Variants in ADRA1A observed in about 807,000 individuals in gnomAD.
ADRA1A encodes the protein adrenoceptor alpha 1A.
A neutral mutation model predicts 29.6 loss-of-function variants in ADRA1A; 31 were observed. The observed-to-expected ratio is 1.05, with a 90% CI of 0.79 to 1.41. The LOEUF (loss-of-function observed/expected upper bound fraction) is 1.41. ADRA1A is among the 40% of genes most tolerant of loss of function. The pLI is 0.00. For synonymous variants in ADRA1A, 311 were observed against 254.3 expected (o/e 1.22, Z -2.12); for missense variants, 619 against 601.1 (o/e 1.03, Z -0.31).
At chr8:26,850,025 C>CAAAAAAAAAAAACCA (rs141672591) in intron 2 of ADRA1A, among the ~76,000 whole-genome samples, 1 of 121,558 alleles carries the variant, frequency 8.2e-6, no homozygotes, top group South Asian at 2.6e-4. Flanking sequence ...GAGAGAAATG[C>CAAAAAAAAAAAACCA]AAAAACAAAA....
downstream of ADRA1A, among the ~76,000 whole-genome samples, chr8:26,763,599 G>GTTGAGAACATGAAT (rs59698077): frequency 0.53 from 80,609 of 151,854 alleles, 22,956 homozygotes; most frequent in East Asian, 0.84. This position sits in a 1 kb window ranked among gnomAD's most constrained non-coding sequence, Gnocchi z 4.5. Flanking sequence ...ACTCATGCAG[G>GTTGAGAACATGAAT]TTAGCCAAGT....
At position 26,866,891 on chromosome 8, in the gene ADRA1A, C is replaced by G. The variant is rs1813942753; in HGVS notation, c.-687+45G>C. On this transcript the variant is annotated intron_variant, in intron 1 of 2. Coordinates refer to ENST00000380573, the MANE Select transcript of ADRA1A (RefSeq NM_000680.4). The surrounding 1 kb of genome is among the most constrained non-coding windows in gnomAD (Gnocchi z 5.7). ...TCACCAGACGGCGGGGGAGGTCTGC[C>G]CTCACCCACTCGGCCCTGCGGGACG... 1.0e-6 allele frequency: 1 copy of G among 985,406 alleles called. No individual in the cohort carries two copies. Among genetic ancestry groups the G allele is most frequent in the African/African-American group, 1.7e-5 (1 of 57,236 alleles). 61.0% of individuals were successfully genotyped at this position (985,406 alleles called of 1,614,324 possible). A position where few individuals can be genotyped will look rare whatever the true frequency, so the allele number is the denominator to read the frequency against.
chr8:26,836,034 C>CCAGGAG (rs1811330623), intron 2 of ADRA1A: 1 of 163,482 alleles, frequency 6.1e-6, no homozygotes, highest in African/African-American at 2.4e-5. Flanking sequence ...AGACTGAAAC[C>CCAGGAG]CAGGAGCAGG....
intron 2 of ADRA1A, among the ~76,000 whole-genome samples, chr8:26,808,355 A>G (rs923873317): frequency 6.6e-6 from 1 of 152,178 alleles, no homozygotes; most frequent in East Asian, 1.9e-4. Context: ...TGTATTTAGC[A>G]TAGTTTATTC....
At chr8:26,753,988 G>A (rs985029271), downstream of ADRA1A, among the ~76,000 whole-genome samples, 2 of 152,164 alleles carry the variant, frequency 1.3e-5, no homozygotes, top group Non-Finnish European at 1.5e-5. Flanking sequence ...CATGATCCAT[G>A]AAGTATATTT....
At chr8:26,859,264 C>T in intron 2 of ADRA1A, 1 of 1,113,216 alleles carries the variant, frequency 9.0e-7, no homozygotes, top group Non-Finnish European at 1.2e-6. Flanking sequence ...GCATGAAAAA[C>T]ATACTTAAGA....
intron 2 of ADRA1A, among the ~76,000 whole-genome samples, chr8:26,844,801 A>G (rs1044129617): frequency 5.9e-5 from 9 of 152,202 alleles, no homozygotes; most frequent in Admixed American, 2.0e-4. Flanking sequence ...AGAAAACATA[A>G]GGATACATTT....
intron 2 of ADRA1A, among the ~76,000 whole-genome samples, chr8:26,832,698 G>T (rs1252960525): frequency 1.3e-5 from 2 of 152,132 alleles, no homozygotes; most frequent in Non-Finnish European, 2.9e-5. Flanking sequence ...TGAGAAACAG[G>T]CTCTGGGAAG....
At position 26,770,199 on chromosome 8, in the gene ADRA1A, T is replaced by C; in HGVS notation, c.1351A>G (p.Thr451Ala). 2 of 1,596,154 alleles carry C rather than the reference T, an allele frequency of 1.3e-6. No individual in the cohort carries two copies. Among genetic ancestry groups the C allele is most frequent in the Non-Finnish European group, 1.7e-6 (2 of 1,170,426 alleles). The part of the protein sequence containing the change: ...PSLDKNHQVP[T>A]IKVHTISLSE... ...AGGGAGATGGTGTGGACCTTAATGG[T>C]TGGAACTTGATGGTTCTTGTCAAGG... is the stretch of plus-strand genomic sequence containing the variant. Residue 451 changes from threonine to alanine, a missense_variant, in exon 3 of 3, where the codon ACC becomes GCC. By Grantham distance (58) the Thr-to-Ala change is moderately conservative (BLOSUM62 0). Coordinates refer to ENST00000380573, the MANE Select transcript of ADRA1A (RefSeq NM_000680.4).
chr8:26,851,783 T>C (rs1260260421), intron 2 of ADRA1A, among the ~76,000 whole-genome samples: 1 of 152,008 alleles, frequency 6.6e-6, no homozygotes, highest in Non-Finnish European at 1.5e-5. Flanking sequence ...ATGTAAGAAA[T>C]AGTGGGAAGA....
chr8:26,807,529 A>G (rs1296862021), intron 2 of ADRA1A, among the ~76,000 whole-genome samples: 1 of 152,150 alleles, frequency 6.6e-6, no homozygotes, highest in African/African-American at 2.4e-5. Context: ...TAATTTTGGT[A>G]TCTGTCTCTC....
chr8:26,761,431 G>A (rs1464959497), downstream of ADRA1A, among the ~76,000 whole-genome samples: 1 of 152,196 alleles, frequency 6.6e-6, no homozygotes, highest in Non-Finnish European at 1.5e-5. Flanking sequence ...ACTGTATTCG[G>A]CGATAGTGCC....
Position 26,821,259 on chromosome 8 carries a change from A to C in ADRA1A, c.883+42828T>G, listed in dbSNP as rs555801003. Among the ~76,000 whole-genome samples, 1 of 152,248 alleles carries C rather than the reference A, an allele frequency of 6.6e-6. No individual in the cohort carries two copies. Among genetic ancestry groups the C allele is most frequent in the African/African-American group, 2.4e-5 (1 of 41,546 alleles). On this transcript the variant is annotated intron_variant, in intron 2 of 2. Coordinates refer to ENST00000380573, the MANE Select transcript of ADRA1A (RefSeq NM_000680.4). The surrounding 1 kb of genome is among the most constrained non-coding windows in gnomAD (Gnocchi z 5.6). ...GGATGAGTTATAAAGAAAGAGGTTT[A>C]ATTGGCTCATGTTGCTGCAGGCTGT...
rs931212198 is a variant in ADRA1A at position 26,867,043 on chromosome 8, G to A, written c.-794C>T. The A allele has an allele frequency of 1.2e-5, 12 of 985,230 alleles. No homozygotes were observed. Among genetic ancestry groups the A allele is most frequent in the African/African-American group, 5.2e-5 (3 of 57,188 alleles). 61.0% of individuals were successfully genotyped at this position (985,230 alleles called of 1,614,324 possible). ...TCTCTGGAGGCGGAGAGGGGACCGT[G>A]TCTCCGAGGCACCAAATCCTTGTCC... On this transcript the variant is annotated 5_prime_UTR_variant, in exon 1 of 3. Transcript: ENST00000380573.
chr8:26,788,241 G>T (rs773167191), intron 2 of ADRA1A, among the ~76,000 whole-genome samples: 1 of 151,944 alleles, frequency 6.6e-6, no homozygotes, highest in Non-Finnish European at 1.5e-5. Context: ...ATCTAATCAG[G>T]TAAATAATAG....
intron 2 of ADRA1A, among the ~76,000 whole-genome samples, chr8:26,845,180 A>T (rs184913761): frequency 1.3e-5 from 2 of 152,270 alleles, no homozygotes; most frequent in East Asian, 3.9e-4. Context: ...ATATTTGCAG[A>T]TCAATTATCT....
chr8:26,849,735 A>G (rs1323835836), intron 2 of ADRA1A, among the ~76,000 whole-genome samples: 1 of 152,212 alleles, frequency 6.6e-6, no homozygotes, highest in Non-Finnish European at 1.5e-5. Flanking sequence ...CAGCTATTCA[A>G]TAGAGGAGAT....
intron 2 of ADRA1A, among the ~76,000 whole-genome samples, chr8:26,830,403 C>T (rs115104660): frequency 0.011 from 1,670 of 152,286 alleles, 32 homozygotes; most frequent in African/African-American, 0.038. Flanking sequence ...TTTCTTCTGC[C>T]ATCTCCAGAA....
intron 2 of ADRA1A, among the ~76,000 whole-genome samples, chr8:26,778,440 C>T (rs1265873480): frequency 2.6e-5 from 4 of 152,146 alleles, no homozygotes; most frequent in Non-Finnish European, 5.9e-5. Flanking sequence ...AGCAGATCTC[C>T]TTTCATAAGC....
Sources: allele counts gnomAD v4.1 joint callset (sites outside exome capture counted in the v4.1 genomes callset), GRCh38; gene constraint gnomAD v4.1.1; non-coding constraint Gnocchi (gnomAD v3.1); transcripts MANE v1.5; gene names NCBI Gene and HGNC (gene_info 2026-07-23, HGNC 2026-07-21).